The following SNTG1 variants were observed in gnomAD, a reference collection of about 807,000 sequenced individuals.
SNTG1 encodes the protein gamma-1-syntrophin.
Under a neutral mutation model 74.7 loss-of-function variants are expected in SNTG1, and 39 were observed. The ratio of observed to expected loss-of-function variants is 0.52; its 90% CI spans 0.40 to 0.68. The LOEUF is 0.68. SNTG1 is among the 30% of genes least tolerant of loss of function. SNTG1 has a pLI of 0.00. For missense variants in SNTG1, 685 were observed against 609.5 expected, an observed-to-expected ratio of 1.12 and a Z score of -1.30; for synonymous variants, 254 against 217.1, an observed-to-expected ratio of 1.17 and a Z score of -1.49.
At chr8:50,621,419 T>C (rs780117112) in intron 13 of SNTG1, among the ~76,000 whole-genome samples, 36 of 152,212 alleles carry the variant, frequency 2.4e-4, no homozygotes, top group South Asian at 6.2e-4. Flanking sequence ...GGGAAGAAAG[T>C]TCTTGTTATT....
chr8:50,018,366 G>A (rs1816524504), intron 1 of SNTG1, among the ~76,000 whole-genome samples: 1 of 151,982 alleles, frequency 6.6e-6, no homozygotes, highest in African/African-American at 2.4e-5. Context: ...ACTAATTTAT[G>A]ACAACAGTGC....
intron 8 of SNTG1, among the ~76,000 whole-genome samples, chr8:50,500,552 C>A (rs529121788): frequency 3.6e-4 from 55 of 152,186 alleles, no homozygotes; most frequent in South Asian, 1.2e-3. Context: ...TAGATTATTT[C>A]TTCCCTTTAA....
intron 2 of SNTG1, among the ~76,000 whole-genome samples, chr8:50,191,382 TATC>T (rs1198561946): frequency 2.6e-5 from 4 of 152,158 alleles, no homozygotes; most frequent in Non-Finnish European, 4.4e-5. Context: ...AATATTGGGT[TATC>T]AGCATAGGAT....
rs529710411 is a variant in SNTG1, at chr8:50,695,218, A to C, written c.1039-9382A>C. On this transcript the variant is annotated intron_variant, in intron 15 of 18. Coordinates refer to ENST00000642720, the MANE Select transcript of SNTG1 (RefSeq NM_018967.5). Reference sequence around the variant, plus strand: ...ATCCCCCCACTCACACACACACACAAAAAAAACCGTTAAAAATAGAAACAA... The same window carrying C: ...ATCCCCCCACTCACACACACACACACAAAAAACCGTTAAAAATAGAAACAA... Among the ~76,000 whole-genome samples, 350 of 151,874 alleles carry C rather than the reference A, an allele frequency of 2.3e-3. 1 individual carries two copies. Among genetic ancestry groups the C allele is most frequent in the African/African-American group, 5.7e-3 (236 of 41,498 alleles).
At chr8:50,238,780 TCAAA>T (rs2086035248) in intron 2 of SNTG1, among the ~76,000 whole-genome samples, 1 of 152,026 alleles carries the variant, frequency 6.6e-6, no homozygotes, top group African/African-American at 2.4e-5. Context: ...TACAAGGAAC[TCAAA>T]CAAATTTGCA....
intron 2 of SNTG1, among the ~76,000 whole-genome samples, chr8:50,207,607 A>G (rs2084310517): frequency 6.6e-6 from 1 of 151,908 alleles, no homozygotes; most frequent in Admixed American, 6.6e-5. Context: ...GCCTTCTGGA[A>G]CTTTTGAATG....
At chr8:50,094,644 A>G (rs2079861112) in intron 1 of SNTG1, among the ~76,000 whole-genome samples, 1 of 152,212 alleles carries the variant, frequency 6.6e-6, no homozygotes, top group Non-Finnish European at 1.5e-5. Flanking sequence ...ATGCCTTCAC[A>G]CCAAATCAGA....
chr8:50,687,642 A>G (rs2095358471), intron 15 of SNTG1, among the ~76,000 whole-genome samples: 1 of 152,218 alleles, frequency 6.6e-6, no homozygotes, highest in African/African-American at 2.4e-5. Context: ...ACATATGTAT[A>G]CATGTGCCAT....
intron 4 of SNTG1, among the ~76,000 whole-genome samples, chr8:50,438,269 A>C (rs960247840): frequency 4.9e-4 from 74 of 152,200 alleles, no homozygotes; most frequent in Admixed American, 1.2e-3. Context: ...AGATTCCAAA[A>C]TATGTCCAAA....
rs561826090 is a variant in SNTG1 at position 49,914,443 on chromosome 8, A to G, written c.-103+2212A>G. 3.3e-5 allele frequency among the ~76,000 whole-genome samples: 5 copies of G among 152,204 alleles called. No individual in the cohort carries two copies. In the East Asian group the frequency reaches 9.7e-4, roughly 29 times the overall value. On this transcript the variant is annotated intron_variant, in intron 1 of 18. Coordinates refer to ENST00000642720, the MANE Select transcript of SNTG1 (RefSeq NM_018967.5). ...ATTTGAGACTCAAAAGAGAAAGGTGAGATGGGATTACATAATCTAGAAAAT... is the reference window on the plus strand; with the variant it reads ...ATTTGAGACTCAAAAGAGAAAGGTGGGATGGGATTACATAATCTAGAAAAT...
intron 5 of SNTG1, among the ~76,000 whole-genome samples, chr8:50,441,430 C>A (rs1047658683): frequency 1.3e-5 from 2 of 152,104 alleles, no homozygotes; most frequent in Non-Finnish European, 2.9e-5. Context: ...GTCCCTACGG[C>A]TTAATTCTAG....
At chr8:50,703,118 T>A (rs1366674626) in intron 15 of SNTG1, among the ~76,000 whole-genome samples, 1 of 152,130 alleles carries the variant, frequency 6.6e-6, no homozygotes, top group Non-Finnish European at 1.5e-5. Context: ...TAAGAAGTAT[T>A]TTTTTCTGCA....
chr8:50,680,868 C>T (rs1466926217), intron 15 of SNTG1, among the ~76,000 whole-genome samples: 1 of 152,088 alleles, frequency 6.6e-6, no homozygotes, highest in Non-Finnish European at 1.5e-5. Flanking sequence ...AAGCAGCCTT[C>T]CCATCTGCAT....
chr8:50,447,307 T>C (rs2093416312), intron 5 of SNTG1, among the ~76,000 whole-genome samples: 2 of 152,244 alleles, frequency 1.3e-5, no homozygotes, highest in South Asian at 4.1e-4. Flanking sequence ...AAGGGTGAAA[T>C]GCAAAAACAG....
At chr8:49,986,249 T>C (rs1312449293) in intron 1 of SNTG1, among the ~76,000 whole-genome samples, 3 of 152,120 alleles carry the variant, frequency 2.0e-5, no homozygotes. Flanking sequence ...CAGAACTGTA[T>C]ATATTTTACT....
Position 50,796,176 on chromosome 8 carries a change from AACG to A in SNTG1, c.*3349_*3351del, listed in dbSNP as rs1474477827. ...ATTACTGAGAAAAATTAATAATCCT[AACG>A]ATAATTTAGAATTACTGCTAGAAAT... is the stretch of plus-strand genomic sequence containing the variant. On this transcript the variant is annotated 3_prime_UTR_variant, in exon 19 of 19. Transcript: ENST00000642720. 6.6e-6 allele frequency: 1 copy of A among 152,062 alleles called. No homozygotes were observed. Among genetic ancestry groups the A allele is most frequent in the Non-Finnish European group, 1.5e-5 (1 of 67,970 alleles). 9.4% of individuals were successfully genotyped at this position (152,062 alleles called of 1,614,324 possible).
intron 2 of SNTG1, among the ~76,000 whole-genome samples, chr8:50,202,773 T>C (rs2084037131): frequency 6.6e-6 from 1 of 150,778 alleles, no homozygotes; most frequent in East Asian, 1.9e-4. Flanking sequence ...CATGGCTTCT[T>C]TCAAGACTTT....
At chr8:50,561,125 C>T (rs1481639038) in intron 12 of SNTG1, among the ~76,000 whole-genome samples, 2 of 152,002 alleles carry the variant, frequency 1.3e-5, no homozygotes, top group African/African-American at 2.4e-5. Flanking sequence ...GGAGTGGTTT[C>T]CCCCATGCTG....
intron 1 of SNTG1, among the ~76,000 whole-genome samples, chr8:50,074,789 A>C (rs947825377): frequency 4.6e-5 from 7 of 152,140 alleles, no homozygotes; most frequent in Non-Finnish European, 8.8e-5. Flanking sequence ...CCACTGCTGC[A>C]CTGTGGGAGC....
Sources: allele counts gnomAD v4.1 joint callset (sites outside exome capture counted in the v4.1 genomes callset), GRCh38; gene constraint gnomAD v4.1.1; transcripts MANE v1.5; gene names NCBI Gene and HGNC (gene_info 2026-07-23, HGNC 2026-07-21).